SRGAP1: variants seen among roughly 807,000 people sequenced by gnomAD.
The protein encoded by SRGAP1 is SLIT-ROBO Rho GTPase activating protein 1.
Under a neutral mutation model 121.9 loss-of-function variants are expected in SRGAP1, and 43 were observed. The observed-to-expected ratio is 0.35, with a 90% CI of 0.28 to 0.46. The LOEUF is 0.46. Ranked by LOEUF, SRGAP1 falls within the 20% of genes least tolerant of loss-of-function variation. SRGAP1 has a pLI of 1.00. For synonymous variants in SRGAP1, 447 were observed against 485.4 expected (o/e 0.92, Z 1.04); for missense variants, 1,102 against 1,350.9 (o/e 0.82, Z 2.89).
At chr12:63,865,457 A>G (rs1427912942) in intron 1 of SRGAP1, among the ~76,000 whole-genome samples, 4 of 152,050 alleles carry the variant, frequency 2.6e-5, no homozygotes, top group African/African-American at 9.7e-5. Flanking sequence ...CGATAGAGCG[A>G]GATTCAGTCC....
intron 15 of SRGAP1, among the ~76,000 whole-genome samples, chr12:64,104,280 G>A (rs1365232735): frequency 6.6e-6 from 1 of 152,056 alleles, no homozygotes; most frequent in African/African-American, 2.4e-5. Flanking sequence ...GCATTGCTGG[G>A]AAAAAAACAT....
Position 64,111,854 on chromosome 12 carries a change from A to G in SRGAP1, c.2012A>G (p.Asp671Gly), listed in dbSNP as rs2036434690. The G allele has an allele frequency of 1.2e-6, 2 of 1,614,092 alleles. No homozygotes were observed. Among genetic ancestry groups the G allele is most frequent in the East Asian group, 4.5e-5 (2 of 44,868 alleles). ...PTLMPVPEIQ[D>G]QVSCQAHVNE... is the part of the protein sequence containing the mutation. ...TTGATGCCTGTCCCAGAAATACAGG[A>G]TCAAGTGTCTTGCCAGGCACATGTG... is the stretch of plus-strand genomic sequence containing the variant. Residue 671 changes from aspartate (D) to glycine (G), a missense_variant, in exon 17 of 22, where the codon GAT becomes GGT. Asp to Gly is a moderately conservative substitution (Grantham distance 94). This residue lies in a region of SRGAP1 where 747 missense variants were observed against 929.4 expected (regional missense o/e 0.80). Transcript: ENST00000355086.
chr12:64,082,107 A>G (rs915503453), intron 10 of SRGAP1, among the ~76,000 whole-genome samples: 1 of 139,832 alleles, frequency 7.2e-6, no homozygotes, highest in African/African-American at 2.6e-5. Context: ...CTAAGTGTAG[A>G]TGAACGCTTA....
chr12:63,993,375 A>G (rs1447033886), intron 3 of SRGAP1, among the ~76,000 whole-genome samples: 1 of 152,198 alleles, frequency 6.6e-6, no homozygotes, highest in Non-Finnish European at 1.5e-5. Context: ...CCTCTTTTCT[A>G]GCTCTTCTTC....
At position 64,147,734 on chromosome 12, in the gene SRGAP1, A is replaced by G. The variant is rs953069847; in HGVS notation, c.*5062A>G. On this transcript the variant is annotated 3_prime_UTR_variant, in exon 22 of 22. Transcript: ENST00000355086. ...CTGTTGTGACAATGCACTTTTATGT[A>G]TAGTACTGTACATTTTTGGCATGTA... is the stretch of plus-strand genomic sequence containing the variant. 1 of 398,452 alleles carries G rather than the reference A, an allele frequency of 2.5e-6. No homozygotes were observed. The highest frequency in any genetic ancestry group is 2.1e-5 in the African/African-American group (1 of 48,632). 24.7% of individuals were successfully genotyped at this position (398,452 alleles called of 1,614,324 possible).
intron 2 of SRGAP1, among the ~76,000 whole-genome samples, chr12:63,984,730 A>C (rs1459717095): frequency 6.6e-6 from 1 of 152,140 alleles, no homozygotes; most frequent in African/African-American, 2.4e-5. Flanking sequence ...AATCCTGGGG[A>C]CAGGGCCAGG....
At chr12:63,902,823 C>G (rs61933090) in intron 1 of SRGAP1, among the ~76,000 whole-genome samples, 7,319 of 152,270 alleles carry the variant, frequency 0.048, 271 homozygotes, top group Middle Eastern at 0.14. Flanking sequence ...ATAGCAACCT[C>G]AGTCTTCCTA....
chr12:63,958,375 A>G (rs1279307637), intron 1 of SRGAP1, among the ~76,000 whole-genome samples: 1 of 152,156 alleles, frequency 6.6e-6, no homozygotes, highest in Non-Finnish European at 1.5e-5. Context: ...TCCCCAGAAG[A>G]TGGAGGAATT....
intron 1 of SRGAP1, among the ~76,000 whole-genome samples, chr12:63,868,091 TTGTTTTTTG>T (rs1899723557): frequency 1.0e-5 from 1 of 96,156 alleles, no homozygotes; most frequent in African/African-American, 4.4e-5. Context: ...TTTTTTTTTT[TTGTTTTTTG>T]AGATAGAGTT....
At chr12:64,014,919 C>T (rs1037798687) in intron 3 of SRGAP1, among the ~76,000 whole-genome samples, 2 of 152,122 alleles carry the variant, frequency 1.3e-5, no homozygotes, top group African/African-American at 4.8e-5. Flanking sequence ...TGGGTTCACG[C>T]AGTTCTCATG....
chr12:63,877,396 CGTT>C (rs1900063505), intron 1 of SRGAP1, among the ~76,000 whole-genome samples: 1 of 152,094 alleles, frequency 6.6e-6, no homozygotes, highest in Non-Finnish European at 1.5e-5. Context: ...TTTAAATGCA[CGTT>C]GTTCTTCTGG....
intron 12 of SRGAP1, among the ~76,000 whole-genome samples, chr12:64,093,879 C>T (rs567122739): frequency 4.6e-5 from 7 of 152,182 alleles, no homozygotes; most frequent in South Asian, 4.1e-4. Context: ...AATAGTAAAG[C>T]GTTTAAATTG....
intron 21 of SRGAP1, among the ~76,000 whole-genome samples, chr12:64,135,043 C>T (rs2036838558): frequency 6.6e-6 from 1 of 152,176 alleles, no homozygotes; most frequent in Non-Finnish European, 1.5e-5. Context: ...CCTCAGGCAG[C>T]ACAGGGTTTA....
At chr12:63,925,607 G>A (rs2031229180) in intron 1 of SRGAP1, among the ~76,000 whole-genome samples, 1 of 152,118 alleles carries the variant, frequency 6.6e-6, no homozygotes, top group African/African-American at 2.4e-5. Context: ...AATTTTCACA[G>A]TCACAGATAC....
At chr12:64,003,023 T>TGAGAGA (rs141854046) in intron 3 of SRGAP1, among the ~76,000 whole-genome samples, 2,416 of 106,780 alleles carry the variant, frequency 0.023, 35 homozygotes, top group Middle Eastern at 0.059. Flanking sequence ...TGTATGTGAG[T>TGAGAGA]GAGAGAGAGA....
intron 1 of SRGAP1, among the ~76,000 whole-genome samples, chr12:63,963,584 A>G (rs1488830585): frequency 6.6e-6 from 1 of 152,148 alleles, no homozygotes; most frequent in Non-Finnish European, 1.5e-5. Flanking sequence ...AAAATATACA[A>G]TAATGTATTG....
At chr12:64,051,120 C>T (rs927053145) in intron 6 of SRGAP1, among the ~76,000 whole-genome samples, 1 of 152,166 alleles carries the variant, frequency 6.6e-6, no homozygotes, top group African/African-American at 2.4e-5. Flanking sequence ...TGTCATTTAT[C>T]CTGTTTCTTT....
At chr12:64,098,146 G>A (rs11832841) in intron 15 of SRGAP1, among the ~76,000 whole-genome samples, 2 of 151,658 alleles carry the variant, frequency 1.3e-5, no homozygotes, top group Admixed American at 6.6e-5. Flanking sequence ...AGAAATCTCC[G>A]TACAGTCCCT....
At chr12:64,000,686 G>A (rs1415863976) in intron 3 of SRGAP1, among the ~76,000 whole-genome samples, 1 of 152,180 alleles carries the variant, frequency 6.6e-6, no homozygotes, top group East Asian at 1.9e-4. Flanking sequence ...GAGAGAACAG[G>A]TGTAATTGAT....
Sources: allele counts gnomAD v4.1 joint callset (sites outside exome capture counted in the v4.1 genomes callset), GRCh38; gene constraint gnomAD v4.1.1; regional missense constraint gnomAD v4.1.1; transcripts MANE v1.5; gene names NCBI Gene and HGNC (gene_info 2026-07-23, HGNC 2026-07-21).